Variants in VAV3 observed in about 807,000 individuals in gnomAD.
The protein encoded by VAV3 is vav guanine nucleotide exchange factor 3, also known as guanine nucleotide exchange factor VAV3.
A neutral mutation model predicts 131.2 loss-of-function variants in VAV3; 94 were observed. The observed-to-expected ratio is 0.72, with a 90% CI of 0.61 to 0.85. The LOEUF (loss-of-function observed/expected upper bound fraction) is 0.85. VAV3 is among the 40% of genes least tolerant of loss of function. VAV3 has a pLI of 0.00. For synonymous variants in VAV3, 349 were observed against 342.0 expected, an observed-to-expected ratio of 1.02 and a Z score of -0.22; for missense variants, 939 against 1,002.7, an observed-to-expected ratio of 0.94 and a Z score of 0.86.
chr1:107,620,372 A>T (rs570460120), intron 20 of VAV3, among the ~76,000 whole-genome samples: 1 of 152,274 alleles, frequency 6.6e-6, no homozygotes, highest in South Asian at 2.1e-4. Flanking sequence ...CCATACTTTT[A>T]CTGTACTTTT....
chr1:107,956,230 C>G (rs1421878261), intron 1 of VAV3, among the ~76,000 whole-genome samples: 2 of 151,978 alleles, frequency 1.3e-5, no homozygotes, highest in African/African-American at 4.8e-5. Context: ...AGTAAGATTA[C>G]GAGTTGAGAG....
intron 2 of VAV3, among the ~76,000 whole-genome samples, chr1:107,853,927 T>C (rs116465884): frequency 6.6e-6 from 1 of 152,224 alleles, no homozygotes; most frequent in Non-Finnish European, 1.5e-5. Context: ...ACCCCCTGTG[T>C]ATGCCGATTA....
Position 107,766,485 on chromosome 1 carries a change from G to C in VAV3, c.783C>G (p.Asp261Glu), listed in dbSNP as rs1014598719. 2 of 1,613,302 alleles carry C rather than the reference G, an allele frequency of 1.2e-6. No homozygotes were observed. The highest frequency in any genetic ancestry group is 1.7e-6 in the Non-Finnish European group (2 of 1,179,630). ...TAATAAAAACTTGGTACAAGTTCTG[G>C]TCATTTTTATTTACAATGGAATCAT... ...EIHDSIVNKN[D>E]QNLYQVFINY... The change falls in exon 8 of 27, where the codon GAC (aspartate) becomes GAG (glutamate). Residue 261 changes from aspartate (D) to glutamate (E), a missense_variant. By Grantham distance (45) the Asp-to-Glu change is conservative. Coordinates refer to ENST00000370056, the MANE Select transcript of VAV3 (RefSeq NM_006113.5).
intron 2 of VAV3, among the ~76,000 whole-genome samples, chr1:107,781,886 T>C (rs1665710228): frequency 1.3e-5 from 2 of 152,140 alleles, no homozygotes; most frequent in African/African-American, 4.8e-5. Context: ...GAACAAATAC[T>C]AATAAATTTA....
At chr1:107,875,066 C>A (rs1670431826) in intron 1 of VAV3, 49 bp from the exon 2 acceptor site, 2 of 1,457,908 alleles carry the variant, frequency 1.4e-6, no homozygotes, top group Admixed American at 3.4e-5. Context: ...ATTCTGAATG[C>A]TATCCACCCT....
chr1:107,636,054 C>T (rs1313100555), intron 20 of VAV3, among the ~76,000 whole-genome samples: 1 of 152,122 alleles, frequency 6.6e-6, no homozygotes, highest in East Asian at 1.9e-4. Flanking sequence ...GCATAGTGAA[C>T]ATTAGTTGTT....
Position 107,571,935 on chromosome 1 carries a change from G to C in VAV3, c.*1396C>G, listed in dbSNP as rs1649289616. ...ATTTCAGAGATGATTCAAAATTTCA[G>C]AACTTAATGCTCCTGGTTCAGTTCT... On this transcript the variant is annotated 3_prime_UTR_variant, in exon 27 of 27. Coordinates refer to ENST00000370056, the MANE Select transcript of VAV3 (RefSeq NM_006113.5). 6.6e-6 allele frequency: 1 copy of C among 152,584 alleles called. No homozygotes were observed. The highest frequency in any genetic ancestry group is 1.5e-5 in the Non-Finnish European group (1 of 68,042). The allele number at this position is 152,584 out of a possible 1,614,324, so 9.5% of individuals were successfully genotyped here.
chr1:107,653,218 C>T (rs1472506231), intron 19 of VAV3, among the ~76,000 whole-genome samples: 1 of 151,660 alleles, frequency 6.6e-6, no homozygotes, highest in East Asian at 1.9e-4. Context: ...GACTCTGCAC[C>T]ATCATTTCGA....
At chr1:107,832,774 G>C (rs1455505416) in intron 2 of VAV3, among the ~76,000 whole-genome samples, 1 of 152,116 alleles carries the variant, frequency 6.6e-6, no homozygotes, top group African/African-American at 2.4e-5. Context: ...AAACAGTAAC[G>C]CTGTAGAAAA....
intron 2 of VAV3, among the ~76,000 whole-genome samples, chr1:107,825,686 C>T (rs1315885859): frequency 1.3e-5 from 2 of 152,140 alleles, no homozygotes; most frequent in African/African-American, 2.4e-5. Flanking sequence ...CCTCTGCTTT[C>T]CATCAAAATA....
intron 1 of VAV3, among the ~76,000 whole-genome samples, chr1:107,957,502 T>A (rs986772645): frequency 6.6e-6 from 1 of 152,120 alleles, no homozygotes; most frequent in South Asian, 2.1e-4. Context: ...TCAGTATGAA[T>A]TTGGGATCCA....
intron 8 of VAV3, among the ~76,000 whole-genome samples, chr1:107,765,708 T>C (rs1450259823): frequency 2.0e-5 from 3 of 152,152 alleles, no homozygotes; most frequent in East Asian, 1.9e-4. Context: ...TCATATCACA[T>C]GGAATCTGAC....
intron 1 of VAV3, among the ~76,000 whole-genome samples, chr1:107,908,962 C>A (rs371983653): frequency 6.6e-6 from 1 of 151,800 alleles, no homozygotes; most frequent in Admixed American, 6.6e-5. Context: ...ATAAGTACAA[C>A]AACTGCTATT....
chr1:107,890,612 AATGG>A (rs1671265909), intron 1 of VAV3, among the ~76,000 whole-genome samples: 1 of 152,228 alleles, frequency 6.6e-6, no homozygotes, highest in Non-Finnish European at 1.5e-5. Context: ...AGGAAACATA[AATGG>A]ATAGACTAAC....
At chr1:107,778,074 T>C (rs575021695) in intron 3 of VAV3, among the ~76,000 whole-genome samples, 182 of 152,300 alleles carry the variant, frequency 1.2e-3, no homozygotes, top group African/African-American at 4.0e-3. Flanking sequence ...CCAAAAATTC[T>C]ACTCTTTTCA....
At chr1:107,851,397 A>G (rs1320267394) in intron 2 of VAV3, among the ~76,000 whole-genome samples, 3 of 95,286 alleles carry the variant, frequency 3.1e-5, no homozygotes, top group Non-Finnish European at 4.4e-5. Context: ...AAACACTCAG[A>G]AAAAAAAAAA....
intron 19 of VAV3, among the ~76,000 whole-genome samples, chr1:107,677,321 A>G (rs560764456): frequency 6.6e-6 from 1 of 152,174 alleles, no homozygotes; most frequent in Non-Finnish European, 1.5e-5. Flanking sequence ...TACAAAGTCA[A>G]TATGTTTTGA....
At chr1:107,834,695 G>T (rs1479012774) in intron 2 of VAV3, among the ~76,000 whole-genome samples, 1 of 151,518 alleles carries the variant, frequency 6.6e-6, no homozygotes, top group East Asian at 1.9e-4. Context: ...AACATACTTT[G>T]AACAGATCTT....
At chr1:107,927,232 T>C (rs1673200375) in intron 1 of VAV3, among the ~76,000 whole-genome samples, 4 of 152,032 alleles carry the variant, frequency 2.6e-5, no homozygotes, top group Admixed American at 2.6e-4. Flanking sequence ...TGGACTCAGT[T>C]CTGGCAGGAC....
Sources: allele counts gnomAD v4.1 joint callset (sites outside exome capture counted in the v4.1 genomes callset), GRCh38; gene constraint gnomAD v4.1.1; transcripts MANE v1.5; gene names NCBI Gene and HGNC (gene_info 2026-07-23, HGNC 2026-07-21).